ATE1: variants seen among roughly 807,000 people sequenced by gnomAD.
ATE1 encodes arginyl-tRNA--protein transferase 1.
Under a neutral mutation model 70.5 loss-of-function variants are expected in ATE1, and 36 were observed. The ratio of observed to expected loss-of-function variants is 0.51; its 90% CI spans 0.39 to 0.67. The LOEUF (loss-of-function observed/expected upper bound fraction) is 0.67, where lower values mean the gene tolerates loss of function less well. ATE1 is among the 30% of genes least tolerant of loss of function. The pLI is 0.00. For missense variants in ATE1, 593 were observed against 629.5 expected (o/e 0.94, Z 0.62); for synonymous variants, 232 against 219.3 (o/e 1.06, Z -0.51).
At chr10:121,910,643 C>T (rs553705568) in intron 5 of ATE1, among the ~76,000 whole-genome samples, 1 of 148,506 alleles carries the variant, frequency 6.7e-6, no homozygotes, top group East Asian at 2.0e-4. Flanking sequence ...CTGTAAGGCC[C>T]TAAAGTAGTA....
intron 10 of ATE1, among the ~76,000 whole-genome samples, chr10:121,826,234 A>G (rs1434595577): frequency 8.4e-6 from 1 of 118,572 alleles, no homozygotes; most frequent in Non-Finnish European, 1.8e-5. Context: ...AATGTACTTA[A>G]TATCACCAAA....
chr10:121,775,320 T>TG (rs1945689269), intron 11 of ATE1, among the ~76,000 whole-genome samples: 1 of 150,874 alleles, frequency 6.6e-6, no homozygotes, highest in African/African-American at 2.4e-5. Context: ...TGTCAGAGAG[T>TG]GGGGGGCAAG....
chr10:121,858,361 AT>A (rs1420135748), intron 8 of ATE1, among the ~76,000 whole-genome samples: 2 of 151,932 alleles, frequency 1.3e-5, no homozygotes, highest in African/African-American at 4.8e-5. Context: ...TTTTTTTATA[AT>A]AACCCACCAA....
At chr10:121,753,329 A>G (rs1306463569) in intron 11 of ATE1, among the ~76,000 whole-genome samples, 1 of 152,228 alleles carries the variant, frequency 6.6e-6, no homozygotes, top group African/African-American at 2.4e-5. Flanking sequence ...TGGCATGGCT[A>G]AAATATAATA....
At chr10:121,921,049 A>C (rs1951862570) in intron 3 of ATE1, among the ~76,000 whole-genome samples, 1 of 151,876 alleles carries the variant, frequency 6.6e-6, no homozygotes, top group African/African-American at 2.4e-5. Context: ...ATTAAATTTA[A>C]GCCCTCTTCC....
chr10:121,822,500 T>G (rs1947838637), intron 10 of ATE1, among the ~76,000 whole-genome samples: 1 of 152,168 alleles, frequency 6.6e-6, no homozygotes, highest in South Asian at 2.1e-4. Context: ...GCTGTATATG[T>G]AAGATTGGCA....
intron 11 of ATE1, among the ~76,000 whole-genome samples, chr10:121,770,833 A>G (rs1330293190): frequency 6.6e-6 from 1 of 152,204 alleles, no homozygotes; most frequent in Non-Finnish European, 1.5e-5. Context: ...TAAATGAATG[A>G]ATGAATGCCT....
intron 11 of ATE1, among the ~76,000 whole-genome samples, chr10:121,768,234 T>A (rs1267015888): frequency 1.3e-5 from 2 of 152,294 alleles, no homozygotes; most frequent in East Asian, 1.9e-4. Context: ...ACAGAGTTTG[T>A]TTTGCAAGAT....
intron 10 of ATE1, among the ~76,000 whole-genome samples, chr10:121,799,485 A>C (rs1946791975): frequency 6.6e-6 from 1 of 151,990 alleles, no homozygotes; most frequent in Non-Finnish European, 1.5e-5. Flanking sequence ...CAGATCCAAG[A>C]CCCATACAGC....
At chr10:121,898,923 G>A in intron 7 of ATE1, 2 of 1,613,992 alleles carry the variant, frequency 1.2e-6, no homozygotes, top group Non-Finnish European at 1.7e-6. Context: ...CTGGCTGAAA[G>A]ACGACTTGAA....
intron 11 of ATE1, among the ~76,000 whole-genome samples, chr10:121,750,791 T>C (rs1305589317): frequency 1.3e-5 from 2 of 152,364 alleles, no homozygotes; most frequent in East Asian, 1.9e-4. Context: ...AAGATACTTA[T>C]ATAAATGGCA....
chr10:121,780,526 TG>T (rs1158093174), intron 11 of ATE1, among the ~76,000 whole-genome samples: 2 of 152,218 alleles, frequency 1.3e-5, no homozygotes, highest in African/African-American at 4.8e-5. Context: ...CTCCACAACG[TG>T]GAGTCAAAGA....
At chr10:121,761,962 C>A (rs1000894876) in intron 11 of ATE1, among the ~76,000 whole-genome samples, 2 of 152,192 alleles carry the variant, frequency 1.3e-5, no homozygotes, top group South Asian at 2.1e-4. Context: ...CTCTAAAGAG[C>A]ATTTACTTAA....
intron 11 of ATE1, among the ~76,000 whole-genome samples, chr10:121,769,181 A>G (rs1945399513): frequency 6.6e-6 from 1 of 152,010 alleles, no homozygotes; most frequent in Admixed American, 6.6e-5. Context: ...ACTGTGTAGT[A>G]TTGGTGGAGG....
chr10:121,928,209 G>T, upstream of ATE1: 2 of 1,332,250 alleles, frequency 1.5e-6, no homozygotes, highest in Non-Finnish European at 9.7e-7. Context: ...CGGAGAGACA[G>T]AGCGGGAAGG....
intron 11 of ATE1, among the ~76,000 whole-genome samples, chr10:121,753,781 T>C (rs1434620381): frequency 6.6e-6 from 1 of 152,230 alleles, no homozygotes; most frequent in Non-Finnish European, 1.5e-5. Context: ...GCTTAAAAAC[T>C]CATAGAATAT....
intron 7 of ATE1, among the ~76,000 whole-genome samples, chr10:121,897,385 T>C (rs544623754): frequency 2.0e-5 from 3 of 152,282 alleles, no homozygotes; most frequent in African/African-American, 7.2e-5. Flanking sequence ...AAAGACCCCC[T>C]GAGAATATCA....
intron 10 of ATE1, among the ~76,000 whole-genome samples, chr10:121,799,234 G>C (rs943447264): frequency 2.0e-5 from 3 of 152,064 alleles, no homozygotes; most frequent in Non-Finnish European, 1.5e-5. Flanking sequence ...GATCAAGAAC[G>C]GGTGGTGGGC....
chr10:121,753,183 C>G (rs981250337), intron 11 of ATE1, among the ~76,000 whole-genome samples: 1 of 152,132 alleles, frequency 6.6e-6, no homozygotes, highest in African/African-American at 2.4e-5. Context: ...TCTGTGTATG[C>G]TGAACTCATT....
Sources: allele counts gnomAD v4.1 joint callset (sites outside exome capture counted in the v4.1 genomes callset), GRCh38; gene constraint gnomAD v4.1.1; transcripts MANE v1.5; gene names NCBI Gene and HGNC (gene_info 2026-07-23, HGNC 2026-07-21).